The following MGAT4C variants were observed in gnomAD, a reference collection of about 807,000 sequenced individuals.
MGAT4C encodes alpha-1,3-mannosyl-glycoprotein 4-beta-N-acetylglucosaminyltransferase C.
Under a neutral mutation model 40.1 loss-of-function variants are expected in MGAT4C, and 19 were observed. The ratio of observed to expected loss-of-function variants is 0.47; its 90% confidence interval spans 0.33 to 0.70. MGAT4C has a LOEUF of 0.70. MGAT4C is among the 30% of genes least tolerant of loss of function. The pLI is 0.02. For synonymous variants in MGAT4C, 181 were observed against 187.1 expected, an observed-to-expected ratio of 0.97 and a Z score of 0.27; for missense variants, 491 against 563.2, an observed-to-expected ratio of 0.87 and a Z score of 1.30.
intron 3 of MGAT4C, among the ~76,000 whole-genome samples, chr12:86,432,110 A>G (rs1957050609): frequency 6.6e-6 from 1 of 152,148 alleles, no homozygotes; most frequent in Non-Finnish European, 1.5e-5. Flanking sequence ...AGGGAATACT[A>G]TCTCAAAAAG....
rs1167952101 is a variant in MGAT4C, at chr12:85,958,835, C to T, written c.*20454G>A. Reference sequence around the variant, plus strand: ...AGTTAAAAAAAGTAGCAATAAAATACATTTTTAATTTAGTTAAGCTTACTT... The same window carrying T: ...AGTTAAAAAAAGTAGCAATAAAATATATTTTTAATTTAGTTAAGCTTACTT... On this transcript the variant is annotated 3_prime_UTR_variant, in exon 5 of 5. Coordinates refer to ENST00000611864, the MANE Select transcript of MGAT4C (RefSeq NM_001351288.2). The T allele has an allele frequency of 6.6e-6, 1 of 151,816 alleles. No individual in the cohort carries two copies. The highest frequency in any genetic ancestry group is 6.6e-5 in the Admixed American group (1 of 15,222). 9.4% of individuals were successfully genotyped at this position (151,816 alleles called of 1,614,324 possible).
At chr12:86,590,732 C>A (rs562829825) in intron 2 of MGAT4C, among the ~76,000 whole-genome samples, 2 of 152,038 alleles carry the variant, frequency 1.3e-5, no homozygotes, top group African/African-American at 2.4e-5. Context: ...ATGTTTAATT[C>A]CCTGAATTTT....
At chr12:86,244,715 G>A (rs1951949181) in intron 1 of MGAT4C, among the ~76,000 whole-genome samples, 1 of 152,082 alleles carries the variant, frequency 6.6e-6, no homozygotes, top group African/African-American at 2.4e-5. Flanking sequence ...ACAAAAGAGG[G>A]ACACCTCACT....
At position 86,090,903 on chromosome 12, in the gene MGAT4C, C is replaced by T. The variant is rs571769191; in HGVS notation, c.-56-41180G>A. On this transcript the variant is annotated intron_variant, in intron 1 of 4. Transcript: ENST00000611864. ...TTTTAAAAATCCTGACAGCCAAAACCAATTGTTTAATTTACCATTTAAGAA... is the reference window on the plus strand; with the variant it reads ...TTTTAAAAATCCTGACAGCCAAAACTAATTGTTTAATTTACCATTTAAGAA... Among the ~76,000 whole-genome samples, 4 of 151,838 alleles carry T rather than the reference C, an allele frequency of 2.6e-5. No homozygotes were observed. In the East Asian group the frequency reaches 7.7e-4, roughly 29 times the overall value.
At position 85,971,377 on chromosome 12, in the gene MGAT4C, A is replaced by G. The variant is rs1883615561; in HGVS notation, c.*7912T>C. On this transcript the variant is annotated 3_prime_UTR_variant, in exon 5 of 5. Transcript: ENST00000611864. Reference sequence around the variant, plus strand: ...ACAAATATTACAAAATATGTTGTTAACTTTTCAAAGATGATCGGTTTAGAT... The same window carrying G: ...ACAAATATTACAAAATATGTTGTTAGCTTTTCAAAGATGATCGGTTTAGAT... 1 of 151,172 alleles carries G rather than the reference A, an allele frequency of 6.6e-6. No individual in the cohort carries two copies. The highest frequency in any genetic ancestry group is 6.6e-5 in the Admixed American group (1 of 15,110). 9.4% of individuals were successfully genotyped at this position (151,172 alleles called of 1,614,324 possible). A position where few individuals can be genotyped will look rare whatever the true frequency, so the allele number is the denominator to read the frequency against.
intron 2 of MGAT4C, among the ~76,000 whole-genome samples, chr12:85,994,528 A>T (rs776401777): frequency 2.0e-5 from 3 of 152,164 alleles, no homozygotes; most frequent in Non-Finnish European, 4.4e-5. Flanking sequence ...AAAATTAAAG[A>T]AGCTAATAAA....
intron 2 of MGAT4C, among the ~76,000 whole-genome samples, chr12:86,662,133 G>T (rs1963993928): frequency 6.6e-6 from 1 of 152,066 alleles, no homozygotes; most frequent in African/African-American, 2.4e-5. Flanking sequence ...TACTCCCAGT[G>T]ACCTACTAAT....
At chr12:86,765,004 A>C (rs543893026) in intron 1 of MGAT4C, among the ~76,000 whole-genome samples, 138 of 152,328 alleles carry the variant, frequency 9.1e-4, no homozygotes, top group African/African-American at 3.2e-3. Context: ...CAATGGAACA[A>C]AGCTGGACGG....
intron 2 of MGAT4C, among the ~76,000 whole-genome samples, chr12:86,516,255 A>G (rs1362481766): frequency 6.6e-6 from 1 of 152,220 alleles, no homozygotes; most frequent in African/African-American, 2.4e-5. Flanking sequence ...GATAGACATA[A>G]AACTATGAAG....
intron 2 of MGAT4C, among the ~76,000 whole-genome samples, chr12:86,720,982 C>T (rs1950727116): frequency 6.6e-6 from 1 of 152,140 alleles, no homozygotes; most frequent in Non-Finnish European, 1.5e-5. Flanking sequence ...CTCCCACTTA[C>T]ATACTCACAT....
chr12:86,771,257 T>C (rs926720247), intron 1 of MGAT4C, among the ~76,000 whole-genome samples: 2 of 152,136 alleles, frequency 1.3e-5, no homozygotes, highest in African/African-American at 4.8e-5. Flanking sequence ...TTTAAGCCAC[T>C]CATTCTGAGG....
At chr12:86,624,430 A>G (rs1482637358) in intron 2 of MGAT4C, among the ~76,000 whole-genome samples, 1 of 152,192 alleles carries the variant, frequency 6.6e-6, no homozygotes, top group Non-Finnish European at 1.5e-5. Context: ...CCAACATACA[A>G]ACAGAGACCC....
chr12:86,801,335 G>A lies in MGAT4C; in HGVS notation c.-262+37331C>T, dbSNP rs138279808. ...GTAATAAAAAAGGGAGGAGAATATC[G>A]AGAGCGTGTTGAGAATGTGTGTGAT... On this transcript the variant is annotated intron_variant, in intron 1 of 7. Coordinates refer to the MGAT4C transcript ENST00000548651. 7.1e-3 allele frequency among the ~76,000 whole-genome samples: 1,084 copies of A among 151,954 alleles called. 11 individuals are homozygous for A. Among genetic ancestry groups the A allele is most frequent in the African/African-American group, 0.025 (1,023 of 41,512 alleles).
chr12:86,472,298 G>C lies in MGAT4C; in HGVS notation c.-228-37033C>G, dbSNP rs146475007. 5.7e-3 allele frequency among the ~76,000 whole-genome samples: 863 copies of C among 152,232 alleles called. 6 individuals are homozygous for C. Among genetic ancestry groups the C allele is most frequent in the Admixed American group, 9.8e-3 (150 of 15,290 alleles). On this transcript the variant is annotated intron_variant, in intron 2 of 7. Transcript: ENST00000548651. ...AGACAGATTATAAGGCCTATGAAAA[G>C]ACTTAACTTTGTTTATGTAGAATTT...
intron 1 of MGAT4C, among the ~76,000 whole-genome samples, chr12:86,802,577 A>T (rs1398964642): frequency 1.3e-5 from 2 of 151,992 alleles, no homozygotes; most frequent in Non-Finnish European, 2.9e-5. Context: ...CTCAGGATAC[A>T]AAATCAGTGT....
chr12:86,060,779 A>T (rs1256545908), intron 1 of MGAT4C, among the ~76,000 whole-genome samples: 2 of 152,298 alleles, frequency 1.3e-5, no homozygotes, highest in East Asian at 3.9e-4. Flanking sequence ...AATTAGTTGT[A>T]AGGAGTGAAA....
chr12:86,569,029 G>A (rs1960251032), intron 2 of MGAT4C, among the ~76,000 whole-genome samples: 1 of 151,780 alleles, frequency 6.6e-6, no homozygotes, highest in Non-Finnish European at 1.5e-5. Context: ...CCAAGGAGGT[G>A]AAAAAATGGG....
rs577061222 is a variant in MGAT4C, at chr12:86,382,547, T to A, written c.-119-48420A>T. On this transcript the variant is annotated intron_variant, in intron 3 of 7. Coordinates refer to the MGAT4C transcript ENST00000548651. The stretch of plus-strand genomic sequence containing the variant: ...CAGAAATTTGCATAAGTAACGAGGA[T>A]GTTAATCATAAAGACAATGGGAAAA... 5.9e-5 allele frequency among the ~76,000 whole-genome samples: 9 copies of A among 152,234 alleles called. No individual in the cohort carries two copies. The South Asian group carries it at 1.9e-3, about 32-fold the overall frequency.
intron 1 of MGAT4C, among the ~76,000 whole-genome samples, chr12:86,139,887 T>C (rs979065730): frequency 6.6e-6 from 1 of 152,208 alleles, no homozygotes. Context: ...CCATTCCTCA[T>C]CCAGCAGTTA....
Sources: gnomAD v4.1 joint callset for allele counts (sites outside exome capture counted in the v4.1 genomes callset) on GRCh38, gnomAD v4.1.1 for gene constraint, MANE v1.5 for transcripts, NCBI Gene and HGNC (gene_info 2026-07-23, HGNC 2026-07-21) for gene names.